Variants in MASP1 observed in about 807,000 individuals in gnomAD.
MASP1 encodes mannan-binding lectin serine protease 1.
A neutral mutation model predicts 77.1 loss-of-function variants in MASP1; 59 were observed. The observed-to-expected ratio is 0.77, with a 90% confidence interval of 0.62 to 0.95. The LOEUF is 0.95. Ranked by LOEUF, MASP1 falls within the 40% of genes least tolerant of loss-of-function variation. The probability of loss-of-function intolerance (pLI) is 0.00; values close to 1 mark genes in which losing one functional copy is unlikely to be tolerated. For synonymous variants in MASP1, 362 were observed against 354.5 expected (o/e 1.02, Z -0.24); for missense variants, 885 against 912.9 (o/e 0.97, Z 0.39).
At chr3:187,291,446 T>C in intron 1 of MASP1, 182 bp downstream of exon 1, 3 of 748,514 alleles carry the variant, frequency 4.0e-6, no homozygotes, top group Non-Finnish European at 7.0e-6. Flanking sequence ...CCTGGAGTCC[T>C]GGGGAAGGCA....
chr3:187,264,543 G>A (rs970398055), intron 2 of MASP1, among the ~76,000 whole-genome samples: 2 of 152,052 alleles, frequency 1.3e-5, no homozygotes, highest in African/African-American at 2.4e-5. Flanking sequence ...CTTTCTTGGT[G>A]ATCCAGGGAC....
chr3:187,290,978 CCT>C (rs779078437), intron 1 of MASP1, among the ~76,000 whole-genome samples: 27 of 151,180 alleles, frequency 1.8e-4, no homozygotes, highest in Non-Finnish European at 3.5e-4. Context: ...ACTCTAAAAT[CCT>C]TTTTTTTTTT....
At position 187,280,980 on chromosome 3, in the gene MASP1, C is replaced by A. The variant is rs1342836380; in HGVS notation, c.237+4845G>T. ...ATTTGAAAGAGGAGGAAACAGAGTC[C>A]ATTTTAGGTGCAGTCATCTGCCCAA... On this transcript the variant is annotated intron_variant, in intron 2 of 10. Transcript: ENST00000296280. Among the ~76,000 whole-genome samples the A allele has an allele frequency of 2.6e-5, 4 of 152,276 alleles. No homozygotes were observed. In the East Asian group the frequency reaches 7.7e-4, roughly 29 times the overall value.
At chr3:187,260,712 C>T (rs1199510098) in intron 4 of MASP1, 29 bp downstream of exon 4, 24 of 1,613,970 alleles carry the variant, frequency 1.5e-5, no homozygotes, top group African/African-American at 2.7e-5. Context: ...CCTATAAGGG[C>T]AATGCATACA....
At chr3:187,262,337 A>G (rs182871360) in intron 3 of MASP1, among the ~76,000 whole-genome samples, 1 of 152,370 alleles carries the variant, frequency 6.6e-6, no homozygotes, top group African/African-American at 2.4e-5. Context: ...AATTTACGTT[A>G]AAACACTTTG....
intron 10 of MASP1, 152 bp from the exon 11 acceptor site, chr3:187,236,719 G>A: frequency 7.4e-7 from 1 of 1,351,040 alleles, no homozygotes; most frequent in East Asian, 2.5e-5. Flanking sequence ...GCCTGGGAGA[G>A]CTCTACTCAG....
At chr3:187,276,335 G>A (rs1716967647) in intron 2 of MASP1, among the ~76,000 whole-genome samples, 2 of 152,220 alleles carry the variant, frequency 1.3e-5, no homozygotes, top group Admixed American at 1.3e-4. Context: ...TGCAATGTAA[G>A]CCTCACTTCA....
chr3:187,281,351 G>A (rs1717393786), intron 2 of MASP1, among the ~76,000 whole-genome samples: 1 of 152,234 alleles, frequency 6.6e-6, no homozygotes, highest in Non-Finnish European at 1.5e-5. Context: ...GGTGGGAAGG[G>A]CAGCTTGCGG....
At position 187,241,573 on chromosome 3, in the gene MASP1, GT is replaced by G; in HGVS notation, c.1229-19del. ...ATATATACCTGGATTAGTGAAAGAG[GT>G]TAGGAGAGGAGGGAGAAAATGGTTG... On this transcript the variant is annotated intron_variant, in intron 9 of 10. Coordinates refer to ENST00000296280, the MANE Select transcript of MASP1 (RefSeq NM_139125.4). 1.3e-6 allele frequency: 2 copies of G among 1,543,442 alleles called. No homozygotes were observed. Among genetic ancestry groups the G allele is most frequent in the Non-Finnish European group, 1.8e-6 (2 of 1,115,474 alleles).
intron 1 of MASP1, among the ~76,000 whole-genome samples, chr3:187,288,184 T>A (rs1248727077): frequency 6.6e-6 from 1 of 152,212 alleles, no homozygotes; most frequent in Non-Finnish European, 1.5e-5. Flanking sequence ...AATGTCTTAA[T>A]CCCATAGCCA....
At chr3:187,226,648 C>T (rs1712453283) in intron 11 of MASP1, 1 of 705,588 alleles carries the variant, frequency 1.4e-6, no homozygotes, top group Admixed American at 2.0e-5. Flanking sequence ...TGCTTCTCTC[C>T]ATTGTATTTT....
At chr3:187,287,232 C>A (rs765539867) in intron 1 of MASP1, among the ~76,000 whole-genome samples, 1 of 152,174 alleles carries the variant, frequency 6.6e-6, no homozygotes, top group Non-Finnish European at 1.5e-5. Context: ...CTGATCTGTC[C>A]TTCCCACCTC....
chr3:187,224,977 C>T (rs1712325085), intron 13 of MASP1, among the ~76,000 whole-genome samples: 1 of 152,242 alleles, frequency 6.6e-6, no homozygotes, highest in Non-Finnish European at 1.5e-5. Context: ...GTTTCCCCAG[C>T]CCTAGGGTTG....
intron 2 of MASP1, among the ~76,000 whole-genome samples, chr3:187,274,076 C>T (rs1375892439): frequency 2.0e-5 from 3 of 151,950 alleles, no homozygotes; most frequent in East Asian, 3.9e-4. Flanking sequence ...GGCGTCCTGG[C>T]GGGCACCTGT....
chr3:187,276,303 G>A (rs1716965723), intron 2 of MASP1, among the ~76,000 whole-genome samples: 1 of 152,164 alleles, frequency 6.6e-6, no homozygotes, highest in Admixed American at 6.5e-5. Context: ...TATGTTTAGT[G>A]TTTATTGTCT....
At chr3:187,223,542 T>A (rs1431639838) in intron 13 of MASP1, among the ~76,000 whole-genome samples, 1 of 152,222 alleles carries the variant, frequency 6.6e-6, no homozygotes, top group Non-Finnish European at 1.5e-5. Context: ...TAGTAGGTGC[T>A]CAATCAAGAA....
exon 16 of MASP1, chr3:187,219,725 A>G: frequency 2.7e-6 from 1 of 369,792 alleles, no homozygotes; most frequent in South Asian, 2.3e-5. Flanking sequence ...AGTGCTATGC[A>G]TCTATTAGTT....
chr3:187,240,987 A>C (rs144464315), intron 10 of MASP1, among the ~76,000 whole-genome samples: 3 of 152,174 alleles, frequency 2.0e-5, no homozygotes, highest in Non-Finnish European at 4.4e-5. Flanking sequence ...GCACAGTAAC[A>C]CTTCCTGTTA....
At chr3:187,217,465 G>C (rs900264053) in exon 16 of MASP1, 5 of 152,184 alleles carry the variant, frequency 3.3e-5, no homozygotes, top group Admixed American at 3.3e-4. Flanking sequence ...ACAAAGAGGA[G>C]ACCTTTTAAA....
Sources: gnomAD v4.1 joint callset for allele counts (sites outside exome capture counted in the v4.1 genomes callset) on GRCh38, gnomAD v4.1.1 for gene constraint, MANE v1.5 for transcripts, NCBI Gene and HGNC (gene_info 2026-07-23, HGNC 2026-07-21) for gene names.